Variants in ATG7 observed in about 807,000 individuals in gnomAD.
ATG7 encodes the protein autophagy related 7.
A neutral mutation model predicts 82.4 loss-of-function variants in ATG7; 70 were observed. The observed-to-expected ratio is 0.85, with a 90% CI of 0.70 to 1.04. ATG7 has a LOEUF of 1.04. Ranked by LOEUF, ATG7 falls within the 50% of genes least tolerant of loss-of-function variation. ATG7 has a pLI of 0.00. For missense variants in ATG7, 792 were observed against 864.3 expected (o/e 0.92, Z 1.05); for synonymous variants, 287 against 313.0 (o/e 0.92, Z 0.88).
intron 20 of ATG7, chr3:11,477,241 C>G: frequency 7.8e-7 from 1 of 1,280,988 alleles, no homozygotes; most frequent in Non-Finnish European, 1.0e-6. Flanking sequence ...CCTCGCCCAT[C>G]TGATTCTTGG....
At chr3:11,457,209 TGGTTCTACCTTGGGATGA>T in intron 20 of ATG7, among the ~76,000 whole-genome samples, 1 of 152,284 alleles carries the variant, frequency 6.6e-6, no homozygotes, top group East Asian at 1.9e-4. Context: ...CAGCTGTCTT[TGGTTCTACCTTGGGATGA>T]GGTTAGAAGT....
intron 20 of ATG7, among the ~76,000 whole-genome samples, chr3:11,441,047 C>A (rs1293474700): frequency 6.6e-6 from 1 of 151,972 alleles, no homozygotes; most frequent in Non-Finnish European, 1.5e-5. Flanking sequence ...ATATTTATAT[C>A]TTATTGTTGC....
At chr3:11,313,500 C>G (rs2152722060) in intron 8 of ATG7, 80 bp downstream of exon 8, 1 of 991,724 alleles carries the variant, frequency 1.0e-6, no homozygotes, top group Non-Finnish European at 1.5e-6. Flanking sequence ...CAAAGACAAA[C>G]AGGCACTTCT....
chr3:11,283,083 T>C (rs1943343685), intron 3 of ATG7, among the ~76,000 whole-genome samples: 1 of 152,226 alleles, frequency 6.6e-6, no homozygotes, highest in South Asian at 2.1e-4. Flanking sequence ...GCTAAGTGAA[T>C]GGCCCCACAT....
chr3:11,446,061 G>A (rs1166267266), intron 20 of ATG7, among the ~76,000 whole-genome samples: 1 of 151,898 alleles, frequency 6.6e-6, no homozygotes, highest in Admixed American at 6.6e-5. Context: ...GGAGCCCAGC[G>A]ACCTTTGTTC....
At chr3:11,522,492 C>G (rs1470233098) in intron 20 of ATG7, among the ~76,000 whole-genome samples, 1 of 152,124 alleles carries the variant, frequency 6.6e-6, no homozygotes, top group Non-Finnish European at 1.5e-5. Context: ...GAGCCTCATA[C>G]TGTGCACAGT....
chr3:11,562,728 G>A, the ATG7 span, among the ~76,000 whole-genome samples: 2 of 152,254 alleles, frequency 1.3e-5, no homozygotes, highest in Non-Finnish European at 2.9e-5. Context: ...ACGGCAAGGA[G>A]GGCAGGACTG....
chr3:11,535,063 C>T (rs2092764447), intron 20 of ATG7, among the ~76,000 whole-genome samples: 1 of 152,256 alleles, frequency 6.6e-6, no homozygotes, highest in African/African-American at 2.4e-5. Context: ...CGGGTCACCT[C>T]CTCAGGAAAT....
At chr3:11,547,533 C>CA (rs1442171901) in intron 20 of ATG7, among the ~76,000 whole-genome samples, 1 of 152,146 alleles carries the variant, frequency 6.6e-6, no homozygotes, top group Non-Finnish European at 1.5e-5. Context: ...TGGGCAGTTA[C>CA]CTAGGACTGG....
intron 20 of ATG7, among the ~76,000 whole-genome samples, chr3:11,460,937 A>T (rs759756226): frequency 6.6e-6 from 1 of 152,182 alleles, no homozygotes; most frequent in Non-Finnish European, 1.5e-5. Context: ...TATGACCAAC[A>T]TCCTCAATAT....
chr3:11,301,239 T>C (rs1453094584), intron 5 of ATG7, among the ~76,000 whole-genome samples: 3 of 152,092 alleles, frequency 2.0e-5, no homozygotes, highest in Non-Finnish European at 4.4e-5. Flanking sequence ...AGAATTCAGT[T>C]TGAGAAAGAG....
the ATG7 span, among the ~76,000 whole-genome samples, chr3:11,571,842 C>A: frequency 6.6e-6 from 1 of 152,146 alleles, no homozygotes; most frequent in African/African-American, 2.4e-5. Flanking sequence ...CACAGTGGCT[C>A]ACACCTGTAA....
chr3:11,524,048 T>C (rs2092510611), intron 20 of ATG7, among the ~76,000 whole-genome samples: 1 of 152,252 alleles, frequency 6.6e-6, no homozygotes, highest in Non-Finnish European at 1.5e-5. Context: ...ATTTCAAGTA[T>C]GTAGCCCCAG....
intron 7 of ATG7, among the ~76,000 whole-genome samples, chr3:11,309,323 G>C (rs530158926): frequency 6.6e-6 from 1 of 152,190 alleles, no homozygotes; most frequent in Non-Finnish European, 1.5e-5. Flanking sequence ...GTCAGGTTCA[G>C]GGAATGTGGT....
At chr3:11,488,631 G>A (rs1383651913) in intron 20 of ATG7, among the ~76,000 whole-genome samples, 1 of 152,098 alleles carries the variant, frequency 6.6e-6, no homozygotes, top group Non-Finnish European at 1.5e-5. Flanking sequence ...CGAGCCTTCT[G>A]GGGCCTCCGG....
At chr3:11,547,452 TATG>T (rs200979275) in intron 20 of ATG7, among the ~76,000 whole-genome samples, 1,997 of 152,340 alleles carry the variant, frequency 0.013, 39 homozygotes, top group African/African-American at 0.043. Flanking sequence ...GTTTAACTTT[TATG>T]AATACTTTCC....
intron 3 of ATG7, among the ~76,000 whole-genome samples, chr3:11,291,847 A>G (rs143533215): frequency 4.2e-4 from 64 of 152,300 alleles, no homozygotes; most frequent in African/African-American, 1.5e-3. Flanking sequence ...GAGAGGGGAA[A>G]GGTTTCCTAG....
At chr3:11,304,439 G>A (rs1161555169) in intron 5 of ATG7, 2 of 152,232 alleles carry the variant, frequency 1.3e-5, no homozygotes, top group Admixed American at 1.3e-4. Flanking sequence ...GGGAAGTCAG[G>A]AGATGACAAA....
chr3:11,498,760 C>T (rs909456934), intron 20 of ATG7, among the ~76,000 whole-genome samples: 1 of 152,242 alleles, frequency 6.6e-6, no homozygotes, highest in African/African-American at 2.4e-5. Flanking sequence ...GCCCTTCATA[C>T]CACACAGGGG....
Sources: gnomAD v4.1 joint callset for allele counts (sites outside exome capture counted in the v4.1 genomes callset) on GRCh38, gnomAD v4.1.1 for gene constraint, MANE v1.5 for transcripts, NCBI Gene and HGNC (gene_info 2026-07-23, HGNC 2026-07-21) for gene names.